The following NAALADL2 variants were observed in gnomAD, a reference collection of about 807,000 sequenced individuals.
NAALADL2 encodes N-acetylated alpha-linked acidic dipeptidase like 2.
In NAALADL2, 76 loss-of-function variants were observed where a neutral mutation model predicts 87.2. The observed-to-expected ratio is 0.87, with a 90% confidence interval of 0.72 to 1.05. NAALADL2 has a LOEUF of 1.05. Ranked by LOEUF, NAALADL2 falls within the 50% of genes least tolerant of loss-of-function variation. NAALADL2 has a pLI of 0.00. For synonymous variants in NAALADL2, 354 were observed against 331.0 expected, an observed-to-expected ratio of 1.07 and a Z score of -0.75; for missense variants, 1,089 against 945.8, an observed-to-expected ratio of 1.15 and a Z score of -1.99.
At chr3:175,465,746 C>T (rs1318229311) in intron 7 of NAALADL2, among the ~76,000 whole-genome samples, 1 of 152,190 alleles carries the variant, frequency 6.6e-6, no homozygotes, top group Non-Finnish European at 1.5e-5. Flanking sequence ...ACCGGGATTA[C>T]AGGCGTGAGC....
intron 5 of NAALADL2, among the ~76,000 whole-genome samples, chr3:175,330,724 A>G (rs1761295984): frequency 6.6e-6 from 1 of 152,170 alleles, no homozygotes; most frequent in East Asian, 1.9e-4. Flanking sequence ...CAAGTAAGAA[A>G]TCTAATGATC....
chr3:174,815,656 T>G (rs1470875263), intron 3 of NAALADL2, among the ~76,000 whole-genome samples: 1 of 152,304 alleles, frequency 6.6e-6, no homozygotes, highest in African/African-American at 2.4e-5. Context: ...AATATTTGTC[T>G]AAGCCACAGG....
chr3:174,868,486 A>G (rs569809605), intron 1 of NAALADL2, among the ~76,000 whole-genome samples: 1 of 152,260 alleles, frequency 6.6e-6, no homozygotes, highest in Admixed American at 6.5e-5. Context: ...CACAATCATC[A>G]ACACCATCAT....
At chr3:175,328,417 TA>T (rs76598617) in intron 5 of NAALADL2, among the ~76,000 whole-genome samples, 8,355 of 140,372 alleles carry the variant, frequency 0.06, 600 homozygotes, top group African/African-American at 0.18. Context: ...AGTTCTACTG[TA>T]AAAAAAAAAA....
At chr3:174,631,809 A>G in intron 2 of NAALADL2, 1 of 152,216 alleles carries the variant, frequency 6.6e-6, no homozygotes, top group East Asian at 1.9e-4. Flanking sequence ...ATGTTTCATG[A>G]CATTCAGGTT....
intron 2 of NAALADL2, among the ~76,000 whole-genome samples, chr3:175,098,301 T>C (rs1203523599): frequency 6.6e-6 from 1 of 152,178 alleles, no homozygotes; most frequent in Non-Finnish European, 1.5e-5. Context: ...TAATGAATGA[T>C]TGTATCATTC....
At chr3:174,565,376 G>A (rs540059582) in intron 2 of NAALADL2, among the ~76,000 whole-genome samples, 10 of 151,884 alleles carry the variant, frequency 6.6e-5, no homozygotes, top group East Asian at 1.9e-4. Context: ...TTTTTTTACC[G>A]TCCATAGTTT....
chr3:175,718,210 T>TG, intron 11 of NAALADL2: 3 of 730,600 alleles, frequency 4.1e-6, no homozygotes, highest in South Asian at 4.7e-5. Context: ...TTTTTTTTTT[T>TG]TTTTTTTTTT....
intron 10 of NAALADL2, among the ~76,000 whole-genome samples, chr3:175,589,405 A>G (rs1336729938): frequency 1.3e-5 from 2 of 151,726 alleles, no homozygotes; most frequent in African/African-American, 4.8e-5. Flanking sequence ...CCTCCTTTCT[A>G]TCCTTATTTT....
intron 2 of NAALADL2, among the ~76,000 whole-genome samples, chr3:174,569,323 A>G (rs1714652274): frequency 6.6e-6 from 1 of 152,038 alleles, no homozygotes; most frequent in South Asian, 2.1e-4. Flanking sequence ...AATAGTATAG[A>G]AATTAAAAAC....
intron 3 of NAALADL2, among the ~76,000 whole-genome samples, chr3:174,744,149 A>G (rs1246666411): frequency 6.6e-6 from 1 of 151,944 alleles, no homozygotes; most frequent in Non-Finnish European, 1.5e-5. Flanking sequence ...GTTATGTTAC[A>G]TGATAAAGAG....
At chr3:175,647,160 C>G (rs1730123196) in intron 11 of NAALADL2, among the ~76,000 whole-genome samples, 1 of 152,078 alleles carries the variant, frequency 6.6e-6, no homozygotes. Flanking sequence ...ATGGCCATGT[C>G]TAACTTCAAA....
At chr3:175,066,431 T>A (rs1714546078) in intron 1 of NAALADL2, among the ~76,000 whole-genome samples, 1 of 152,122 alleles carries the variant, frequency 6.6e-6, no homozygotes, top group South Asian at 2.1e-4. Context: ...GGGCAGGGAC[T>A]GTCTCTTCAG....
intron 2 of NAALADL2, among the ~76,000 whole-genome samples, chr3:175,182,088 T>C (rs970040277): frequency 5.3e-5 from 8 of 151,978 alleles, no homozygotes; most frequent in African/African-American, 1.9e-4. Flanking sequence ...TAATAACCAT[T>C]CTGACAGTCA....
rs779428727 is a variant in NAALADL2 at position 175,729,448 on chromosome 3, C to T, written c.1897-7858C>T. Among the ~76,000 whole-genome samples, 195 of 152,174 alleles carry T rather than the reference C, an allele frequency of 1.3e-3. 1 individual carries two copies. Among genetic ancestry groups the T allele is most frequent in the Non-Finnish European group, 7.1e-4 (48 of 68,034 alleles). On this transcript the variant is annotated intron_variant, in intron 11 of 13. Transcript: ENST00000454872. ...AACTGTAACCTAACTAATAGGTAGA[C>T]CAGATTCACAACCTAAGAGTATGTG...
chr3:175,433,889 T>C (rs555442827), intron 5 of NAALADL2, among the ~76,000 whole-genome samples: 1 of 152,150 alleles, frequency 6.6e-6, no homozygotes, highest in East Asian at 1.9e-4. Flanking sequence ...GAGACACTTT[T>C]CAATGATGAA....
rs1224823476 is a variant in NAALADL2 at position 174,519,644 on chromosome 3, A to G, written c.-183-30925A>G. Among the ~76,000 whole-genome samples the G allele has an allele frequency of 2.0e-5, 3 of 151,618 alleles. No individual in the cohort carries two copies. In the East Asian group the frequency reaches 5.8e-4, roughly 29 times the overall value. ...CTACGCCTGGCCAGGGTTTTTTTTA[A>G]TGCTCCCTATTTTTCATGTATTACC... On this transcript the variant is annotated intron_variant, in intron 1 of 3. Transcript: ENST00000434257.
intron 9 of NAALADL2, chr3:175,487,471 G>C (rs931026921): frequency 6.6e-6 from 3 of 453,164 alleles, no homozygotes; most frequent in Non-Finnish European, 1.3e-5. Context: ...TAATTTATTT[G>C]CCCATCCAAA....
intron 11 of NAALADL2, among the ~76,000 whole-genome samples, chr3:175,659,467 T>C (rs953146481): frequency 1.3e-5 from 2 of 152,220 alleles, no homozygotes; most frequent in Non-Finnish European, 2.9e-5. Context: ...GCAGCAGCAC[T>C]GCAGTCTATT....
Sources: allele counts gnomAD v4.1 joint callset (sites outside exome capture counted in the v4.1 genomes callset), GRCh38; gene constraint gnomAD v4.1.1; transcripts MANE v1.5; gene names NCBI Gene and HGNC (gene_info 2026-07-23, HGNC 2026-07-21).